The following TRPV5 variants were observed in gnomAD, a reference collection of about 807,000 sequenced individuals.
TRPV5 encodes the protein calcium transport protein 2.
In TRPV5, 66 loss-of-function variants were observed where a neutral mutation model predicts 74.1. That is an observed-to-expected ratio of 0.89 (90% CI 0.73 to 1.09). TRPV5 has a LOEUF of 1.09. Ranked by LOEUF, TRPV5 falls within the 50% of genes least tolerant of loss-of-function variation. The probability of loss-of-function intolerance (pLI) is 0.00; values close to 1 mark genes in which losing one functional copy is unlikely to be tolerated. For missense variants in TRPV5, 936 were observed against 930.4 expected (o/e 1.01, Z -0.08); for synonymous variants, 399 against 360.7 (o/e 1.11, Z -1.20).
At chr7:142,924,336 A>AAAGG (rs1795941454) in intron 8 of TRPV5, among the ~76,000 whole-genome samples, 1 of 5,340 alleles carries the variant, frequency 1.9e-4, no homozygotes, top group Non-Finnish European at 6.1e-4. Context: ...GTATATATAT[A>AAAGG]CATATATATA....
chr7:142,913,934 C>T (rs1480067338), intron 12 of TRPV5, among the ~76,000 whole-genome samples: 1 of 152,090 alleles, frequency 6.6e-6, no homozygotes, highest in African/African-American at 2.4e-5. Flanking sequence ...TTCTTCTGCT[C>T]CTCCACCCAC....
chr7:142,913,144 A>C (rs1795731053), intron 12 of TRPV5, among the ~76,000 whole-genome samples: 1 of 152,232 alleles, frequency 6.6e-6, no homozygotes, highest in African/African-American at 2.4e-5. Flanking sequence ...TGGAATCCTC[A>C]ACAATTTTTA....
In TRPV5 at chr7:142,930,329, C is replaced by T. The variant is rs1169256375; in HGVS notation, c.226+20G>A. On this transcript the variant is annotated intron_variant, in intron 2 of 14. Transcript: ENST00000265310. ...AGGTTCTTCTGCCCCCACCTCCATC[C>T]CATTAAATCCAGATCCCACCTCTTT... The T allele has an allele frequency of 1.2e-6, 2 of 1,612,778 alleles. No individual in the cohort carries two copies. The highest frequency in any genetic ancestry group is 1.7e-6 in the Non-Finnish European group (2 of 1,178,864).
At chr7:142,910,558 G>C (rs1795687609) in intron 13 of TRPV5, among the ~76,000 whole-genome samples, 1 of 152,180 alleles carries the variant, frequency 6.6e-6, no homozygotes, top group African/African-American at 2.4e-5. Flanking sequence ...ATCAGAACCA[G>C]GAAGGCTTCC....
At chr7:142,927,356 C>T (rs1415686739) in intron 7 of TRPV5, among the ~76,000 whole-genome samples, 2 of 152,302 alleles carry the variant, frequency 1.3e-5, no homozygotes, top group Non-Finnish European at 1.5e-5. Context: ...TATTTCTGTA[C>T]TGTTTGTTTC....
Position 142,908,698 on chromosome 7 carries a change from G to C in TRPV5, c.2006C>G (p.Ser669Cys). 2.5e-6 allele frequency: 4 copies of C among 1,614,230 alleles called. No homozygotes were observed. The highest frequency in any genetic ancestry group is 3.4e-6 in the Non-Finnish European group (4 of 1,180,032). Residue 669 changes from serine (S) to cysteine (C), a missense_variant, in exon 15 of 15, where the codon TCT (serine) becomes TGT (cysteine). Physicochemically the swap from Ser to Cys is moderately radical, Grantham distance 112. Transcript: ENST00000265310. ...DQEHPSEKQP[S>C]GAESGTLARA... ...GGCTAGAGTCCCACTCTCAGCCCCA[G>C]AGGGCTGTTTCTCAGATGGATGCTC... is the stretch of plus-strand genomic sequence containing the variant.
At chr7:142,931,017 A>ATTTTTTTT (rs35738386) in intron 1 of TRPV5, among the ~76,000 whole-genome samples, 5 of 100,316 alleles carry the variant, frequency 5.0e-5, no homozygotes, top group East Asian at 3.1e-4. Context: ...CCCTCAGGCT[A>ATTTTTTTT]TTTTTTTTTT....
Position 142,928,771 on chromosome 7 carries a change from G to T in TRPV5, c.682C>A (p.His228Asn). 1.2e-6 allele frequency: 2 copies of T among 1,614,162 alleles called. No individual in the cohort carries two copies. The highest frequency in any genetic ancestry group is 8.5e-7 in the Non-Finnish European group (1 of 1,180,004). ...GGCACAAGGTCCAGGGGCTGCAGGT[G>T]GTCCCCATGTCCATCATAGGACAGC... is the stretch of plus-strand genomic sequence containing the variant. Reference protein sequence around the residue: ...LLLSYDGHGDHLQPLDLVPNH... With the variant: ...LLLSYDGHGDNLQPLDLVPNH... The change falls in exon 6 of 15, where the codon CAC (histidine) becomes AAC (asparagine). Residue 228 changes from histidine (H) to asparagine (N), a missense_variant. By Grantham distance (68) the His-to-Asn change is moderately conservative (BLOSUM62 1). Coordinates refer to ENST00000265310, the MANE Select transcript of TRPV5 (RefSeq NM_019841.7).
chr7:142,914,709 G>A lies in TRPV5; in HGVS notation c.1453-3C>T. 1 of 1,613,646 alleles carries A rather than the reference G, an allele frequency of 6.2e-7. No homozygotes were observed. Among genetic ancestry groups the A allele is most frequent in the Non-Finnish European group, 8.5e-7 (1 of 1,179,788 alleles). The stretch of plus-strand genomic sequence containing the variant: ...CGCATTAGGTCTCCAAAAATCATCT[G>A]CAGGAAACAGAAGGAAGAAAGGGTG... On this transcript the variant is annotated splice_polypyrimidine_tract_variant and splice_region_variant and intron_variant, in intron 11 of 14. Coordinates refer to ENST00000265310, the MANE Select transcript of TRPV5 (RefSeq NM_019841.7).
intron 8 of TRPV5, among the ~76,000 whole-genome samples, chr7:142,923,186 GT>G (rs1025100230): frequency 6.6e-6 from 1 of 152,112 alleles, no homozygotes; most frequent in African/African-American, 2.4e-5. Flanking sequence ...GGACAGTAAA[GT>G]ATTCATTCAT....
intron 13 of TRPV5, among the ~76,000 whole-genome samples, chr7:142,910,585 A>G (rs1048070135): frequency 5.9e-5 from 9 of 152,176 alleles, no homozygotes; most frequent in African/African-American, 2.2e-4. Flanking sequence ...AAGGAGTGCA[A>G]TCTTCAAAAT....
intron 1 of TRPV5, among the ~76,000 whole-genome samples, chr7:142,930,880 A>T (rs1796078988): frequency 6.6e-6 from 1 of 152,114 alleles, no homozygotes; most frequent in South Asian, 2.1e-4. Context: ...TGCTGAATCT[A>T]CTGTCTTTAA....
chr7:142,925,497 A>G lies in TRPV5; in HGVS notation c.1122+32T>C. The G allele has an allele frequency of 2.5e-6, 4 of 1,611,560 alleles. No individual in the cohort carries two copies. The African/African-American group carries it at 4.0e-5, about 16-fold the overall frequency. On this transcript the variant is annotated intron_variant, in intron 8 of 14. Coordinates refer to ENST00000265310, the MANE Select transcript of TRPV5 (RefSeq NM_019841.7). ...TCCAGCACCATCACCCCTTGATGCA[A>G]TTCTCTCTCATCCCCTTCTGAGGAG... is the stretch of plus-strand genomic sequence containing the variant.
In TRPV5 at chr7:142,928,718, C is replaced by G; in HGVS notation, c.735G>C (p.Lys245Asn). Residue 245 changes from lysine to asparagine, a missense_variant, in exon 6 of 15, where the codon AAG becomes AAC. Lys to Asn is a moderately conservative substitution (Grantham distance 94, BLOSUM62 0). Transcript: ENST00000265310. ...VPNHQGLTPF[K>N]LAGVEGNTVM... ...CAGTGTTACCCTCCACTCCAGCCAG[C>G]TTGAAGGGGGTGAGACCCTGGTGAT... 4 of 1,614,078 alleles carry G rather than the reference C, an allele frequency of 2.5e-6. No individual in the cohort carries two copies. Among genetic ancestry groups the G allele is most frequent in the Non-Finnish European group, 3.4e-6 (4 of 1,179,982 alleles).
chr7:142,909,707 A>T (rs533447659), intron 13 of TRPV5, 111 bp from the exon 14 acceptor site: 8 of 1,170,520 alleles, frequency 6.8e-6, no homozygotes, highest in Non-Finnish European at 9.7e-6. Flanking sequence ...ATAGGACACT[A>T]GAGGTCAGTG....
intron 13 of TRPV5, among the ~76,000 whole-genome samples, chr7:142,911,112 C>T (rs1041221294): frequency 3.3e-5 from 5 of 152,148 alleles, no homozygotes; most frequent in African/African-American, 7.2e-5. Flanking sequence ...GAGTGGGGCC[C>T]TCGGAGCTGC....
Position 142,928,192 on chromosome 7 carries a change from T to G in TRPV5, c.805A>C (p.Thr269Pro). 1 of 1,614,130 alleles carries G rather than the reference T, an allele frequency of 6.2e-7. No individual in the cohort carries two copies. The highest frequency in any genetic ancestry group is 8.5e-7 in the Non-Finnish European group (1 of 1,179,986). ...AGAATGGAGGTCAGGGGTCCATACGTCCACTGGATGTGCCTCCGCTTCTGC... is the reference window on the plus strand; with the variant it reads ...AGAATGGAGGTCAGGGGTCCATACGGCCACTGGATGTGCCTCCGCTTCTGC... ...LMQKRRHIQWTYGPLTSILYD... is the reference protein window; with the variant it reads ...LMQKRRHIQWPYGPLTSILYD... Residue 269 changes from threonine (T) to proline (P), a missense_variant, in exon 7 of 15, where the codon ACG becomes CCG. Transcript: ENST00000265310.
At chr7:142,920,869 AC>A (rs924591567) in intron 8 of TRPV5, among the ~76,000 whole-genome samples, 75 of 152,300 alleles carry the variant, frequency 4.9e-4, no homozygotes, top group African/African-American at 1.7e-3. Flanking sequence ...ACCCAGCCTT[AC>A]TGTCAGAATC....
Position 142,912,672 on chromosome 7 carries a change from G to A in TRPV5, c.1598C>T (p.Thr533Ile). 1 of 1,614,232 alleles carries A rather than the reference G, an allele frequency of 6.2e-7. No homozygotes were observed. Residue 533 changes from threonine to isoleucine, a missense_variant, in exon 13 of 15, where the codon ACC (threonine) becomes ATC (isoleucine). By Grantham distance (89) the Thr-to-Ile change is moderately conservative. Coordinates refer to ENST00000265310, the MANE Select transcript of TRPV5 (RefSeq NM_019841.7). ...FYDYPMALFT[T>I]FELFLTVIDA... ...AATAACAGTGAGAAAAAGCTCAAAG[G>A]TGGTGAACAGTGCCATGGGGTAGTC...
Sources: gnomAD v4.1 joint callset for allele counts (sites outside exome capture counted in the v4.1 genomes callset) on GRCh38, gnomAD v4.1.1 for gene constraint, MANE v1.5 for transcripts, NCBI Gene and HGNC (gene_info 2026-07-23, HGNC 2026-07-21) for gene names.